Variants in DPP6 observed in about 807,000 individuals in gnomAD.
DPP6 encodes the protein A-type potassium channel modulatory protein DPP6.
DPP6 carries 69 observed loss-of-function variants against 122.6 expected under a neutral mutation model. That is an observed-to-expected ratio of 0.56 (90% CI 0.46 to 0.69). The LOEUF (loss-of-function observed/expected upper bound fraction) is 0.69. Ranked by LOEUF, DPP6 falls within the 30% of genes least tolerant of loss-of-function variation. DPP6 has a pLI of 0.00. For synonymous variants in DPP6, 418 were observed against 433.1 expected (o/e 0.97, Z 0.43); for missense variants, 928 against 1,116.9 (o/e 0.83, Z 2.41).
chr7:153,991,642 T>G (rs1286966574), intron 1 of DPP6, among the ~76,000 whole-genome samples: 2 of 152,200 alleles, frequency 1.3e-5, no homozygotes, highest in African/African-American at 4.8e-5. Context: ...CAATCCTGCA[T>G]GTGTTAATTT....
chr7:153,909,944 G>A (rs1800008597), intron 1 of DPP6, among the ~76,000 whole-genome samples: 1 of 152,066 alleles, frequency 6.6e-6, no homozygotes, highest in South Asian at 2.1e-4. Context: ...CCTGCTAAGG[G>A]GCCATTCACC....
chr7:153,829,033 A>G, the DPP6 span, among the ~76,000 whole-genome samples: 1 of 152,132 alleles, frequency 6.6e-6, no homozygotes. Flanking sequence ...CAGATACATC[A>G]TGGTTGTGCA....
At chr7:154,305,429 T>C in intron 1 of DPP6, 1 of 1,366,418 alleles carries the variant, frequency 7.3e-7, no homozygotes, top group Non-Finnish European at 9.7e-7. Flanking sequence ...CCGCTTGGAC[T>C]CTGGTGGCTC....
chr7:154,806,213 C>T (rs1291596459), intron 15 of DPP6, among the ~76,000 whole-genome samples: 1 of 152,254 alleles, frequency 6.6e-6, no homozygotes, highest in Non-Finnish European at 1.5e-5. Flanking sequence ...TGTCTTCTCT[C>T]TCCCGTGAAA....
At chr7:153,812,719 A>C in the DPP6 span, among the ~76,000 whole-genome samples, 1 of 152,196 alleles carries the variant, frequency 6.6e-6, no homozygotes, top group African/African-American at 2.4e-5. Flanking sequence ...TAGGATTGGG[A>C]TTCTTGCTCT....
intron 1 of DPP6, among the ~76,000 whole-genome samples, chr7:154,121,732 T>TG (rs1182982277): frequency 2.0e-5 from 3 of 152,152 alleles, no homozygotes; most frequent in Non-Finnish European, 2.9e-5. Context: ...TCAGGTGCAC[T>TG]GGGGGGACAT....
Position 154,839,209 on chromosome 7 carries a change from T to C in DPP6, c.1667-14571T>C, listed in dbSNP as rs934083791. Reference sequence around the variant, plus strand: ...GTTACTATGTGATGCTCAGAACAGCTCTTTAAGATGAGTGGTGGTATCATT... The same window carrying C: ...GTTACTATGTGATGCTCAGAACAGCCCTTTAAGATGAGTGGTGGTATCATT... On this transcript the variant is annotated intron_variant, in intron 16 of 25. Transcript: ENST00000377770. Among the ~76,000 whole-genome samples the C allele has an allele frequency of 2.0e-5, 3 of 152,210 alleles. No homozygotes were observed. The East Asian group carries it at 5.8e-4, about 29-fold the overall frequency.
intron 1 of DPP6, among the ~76,000 whole-genome samples, chr7:154,229,779 T>G (rs959804979): frequency 4.6e-5 from 7 of 151,880 alleles, no homozygotes; most frequent in African/African-American, 1.7e-4. Context: ...TGATGGAGGC[T>G]TTTTTTTCAA....
At chr7:154,186,832 A>G (rs565638118) in intron 1 of DPP6, among the ~76,000 whole-genome samples, 1 of 152,370 alleles carries the variant, frequency 6.6e-6, no homozygotes, top group South Asian at 2.1e-4. Flanking sequence ...CCAGGCTATT[A>G]TTAATAATTT....
At chr7:154,560,255 A>G (rs1007222717) in intron 4 of DPP6, among the ~76,000 whole-genome samples, 4 of 152,124 alleles carry the variant, frequency 2.6e-5, no homozygotes, top group African/African-American at 9.7e-5. Context: ...TTTAAATATA[A>G]TAAAATATGT....
chr7:153,912,290 A>G (rs1800125209), intron 1 of DPP6, among the ~76,000 whole-genome samples: 1 of 152,186 alleles, frequency 6.6e-6, no homozygotes, highest in Non-Finnish European at 1.5e-5. Context: ...CTCAAATAAA[A>G]CGAACTGGAA....
At chr7:154,675,199 G>T (rs1338323880) in intron 7 of DPP6, among the ~76,000 whole-genome samples, 1 of 152,116 alleles carries the variant, frequency 6.6e-6, no homozygotes, top group Non-Finnish European at 1.5e-5. Context: ...CCACACCGGG[G>T]CCTGTCCGGG....
At chr7:154,461,374 T>C (rs1821287840) in intron 2 of DPP6, among the ~76,000 whole-genome samples, 1 of 152,220 alleles carries the variant, frequency 6.6e-6, no homozygotes, top group African/African-American at 2.4e-5. Flanking sequence ...TTCTTTTGGG[T>C]ACATACCTAG....
chr7:153,931,911 C>T lies in DPP6; in HGVS notation c.51+44177C>T, dbSNP rs139700954. Among the ~76,000 whole-genome samples, 361 of 152,264 alleles carry T rather than the reference C, an allele frequency of 2.4e-3. 2 individuals carry two copies. Among genetic ancestry groups the T allele is most frequent in the Non-Finnish European group, 3.9e-3 (264 of 68,026 alleles). On this transcript the variant is annotated intron_variant, in intron 1 of 25. Coordinates refer to the DPP6 transcript ENST00000404039. ...ATCTGCTGAGTGCAGAAACAATCTT[C>T]GTGCACCGGCTAATTTATAGCATGG...
chr7:154,434,865 G>A (rs1380208976), intron 1 of DPP6, among the ~76,000 whole-genome samples: 1 of 151,954 alleles, frequency 6.6e-6, no homozygotes, highest in Non-Finnish European at 1.5e-5. Flanking sequence ...ATGGAGTCTC[G>A]CTCTGGTCAC....
At chr7:154,682,333 C>T (rs1169915508) in intron 7 of DPP6, among the ~76,000 whole-genome samples, 1 of 152,234 alleles carries the variant, frequency 6.6e-6, no homozygotes, top group African/African-American at 2.4e-5. Flanking sequence ...GCGAAAGGAC[C>T]TGAACTTCTT....
chr7:154,731,083 C>T (rs111741605), intron 8 of DPP6, among the ~76,000 whole-genome samples: 7 of 152,244 alleles, frequency 4.6e-5, no homozygotes, highest in African/African-American at 1.7e-4. Context: ...AGCACAGGAG[C>T]CCTGAGGATT....
At chr7:153,895,122 T>G (rs1363716391) in intron 1 of DPP6, among the ~76,000 whole-genome samples, 1 of 152,224 alleles carries the variant, frequency 6.6e-6, no homozygotes, top group Admixed American at 6.5e-5. Context: ...TCAATTGTCC[T>G]CCTTTCCTTT....
In DPP6 at chr7:154,233,902, G is replaced by A. The variant is rs143957383; in HGVS notation, c.243+180839G>A. 6.4e-4 allele frequency among the ~76,000 whole-genome samples: 98 copies of A among 152,346 alleles called. No homozygotes were observed. In the East Asian group the frequency reaches 0.016, roughly 24 times the overall value. On this transcript the variant is annotated intron_variant, in intron 1 of 25. Coordinates refer to ENST00000377770, the MANE Select transcript of DPP6 (RefSeq NM_130797.4). The stretch of plus-strand genomic sequence containing the variant: ...GCACAACAGGTATGATGATGCTCAT[G>A]ACTACAGACAGTGAGAAAGGCTGTG...
Sources: gnomAD v4.1 joint callset for allele counts (sites outside exome capture counted in the v4.1 genomes callset) on GRCh38, gnomAD v4.1.1 for gene constraint, MANE v1.5 for transcripts, NCBI Gene and HGNC (gene_info 2026-07-23, HGNC 2026-07-21) for gene names.